Variants in CNTNAP2 observed in about 807,000 individuals in gnomAD.
CNTNAP2 encodes the protein contactin associated protein 2.
In CNTNAP2, 98 loss-of-function variants were observed where a neutral mutation model predicts 155.2. The ratio of observed to expected loss-of-function variants is 0.63; its 90% CI spans 0.54 to 0.75. The LOEUF (loss-of-function observed/expected upper bound fraction) is 0.75, where lower values mean the gene tolerates loss of function less well. CNTNAP2 is among the 30% of genes least tolerant of loss of function. CNTNAP2 has a pLI of 0.00. For synonymous variants in CNTNAP2, 651 were observed against 631.2 expected (o/e 1.03, Z -0.47); for missense variants, 1,727 against 1,688.1 (o/e 1.02, Z -0.40).
At chr7:148,342,676 A>G (rs1328420439) in intron 21 of CNTNAP2, among the ~76,000 whole-genome samples, 1 of 152,242 alleles carries the variant, frequency 6.6e-6, no homozygotes, top group African/African-American at 2.4e-5. Context: ...CAGGGACTGC[A>G]TTAAAGCTCA....
At chr7:148,263,285 ACT>A (rs1796594920) in intron 20 of CNTNAP2, 1 of 152,178 alleles carries the variant, frequency 6.6e-6, no homozygotes, top group Non-Finnish European at 1.5e-5. Context: ...GTTCCTGTTC[ACT>A]GTTTTGAAAT....
intron 2 of CNTNAP2, among the ~76,000 whole-genome samples, chr7:146,788,607 T>G (rs1358704114): frequency 6.6e-6 from 1 of 152,018 alleles, no homozygotes; most frequent in Non-Finnish European, 1.5e-5. Context: ...TTCCCAAACC[T>G]TCCACACACC....
intron 13 of CNTNAP2, among the ~76,000 whole-genome samples, chr7:147,886,157 T>G (rs1221565819): frequency 6.6e-6 from 1 of 152,142 alleles, no homozygotes; most frequent in African/African-American, 2.4e-5. Flanking sequence ...CAGTTGTCAC[T>G]GTGGATGACT....
chr7:148,240,348 A>G (rs1796123055), intron 20 of CNTNAP2, among the ~76,000 whole-genome samples: 1 of 152,160 alleles, frequency 6.6e-6, no homozygotes, highest in Non-Finnish European at 1.5e-5. Context: ...TGTTCCACCT[A>G]CTTCTCCTCT....
chr7:146,675,209 C>A (rs1328960445), intron 1 of CNTNAP2, among the ~76,000 whole-genome samples: 2 of 152,044 alleles, frequency 1.3e-5, no homozygotes, highest in African/African-American at 4.8e-5. Flanking sequence ...ACATTTTTGG[C>A]TTCTAGGAGA....
intron 15 of CNTNAP2, among the ~76,000 whole-genome samples, chr7:147,981,786 G>GGTGTGTGTGTGTGTGT (rs57272792): frequency 0.024 from 3,505 of 143,546 alleles, 61 homozygotes; most frequent in South Asian, 0.054. Context: ...TGTCCTTACA[G>GGTGTGTGTGTGTGTGT]GTGTGTGTGT....
Position 148,397,518 on chromosome 7 carries a change from A to C in CNTNAP2, c.3716-11873A>C, listed in dbSNP as rs1339803803. ...CTATTTTCTATCACCCTTTAAATATAATGCAGAAGTCTGGAAGGATATGTA... is the reference window on the plus strand; with the variant it reads ...CTATTTTCTATCACCCTTTAAATATCATGCAGAAGTCTGGAAGGATATGTA... On this transcript the variant is annotated intron_variant, in intron 22 of 23. Coordinates refer to ENST00000361727, the MANE Select transcript of CNTNAP2 (RefSeq NM_014141.6). Among the ~76,000 whole-genome samples, 4 of 152,222 alleles carry C rather than the reference A, an allele frequency of 2.6e-5. No homozygotes were observed. In the East Asian group the frequency reaches 7.7e-4, roughly 29 times the overall value.
intron 13 of CNTNAP2, among the ~76,000 whole-genome samples, chr7:147,864,142 A>G (rs550631060): frequency 6.6e-6 from 1 of 152,154 alleles, no homozygotes; most frequent in Non-Finnish European, 1.5e-5. Context: ...AGCTTTCTAC[A>G]TATGGCTAGC....
intron 1 of CNTNAP2, among the ~76,000 whole-genome samples, chr7:146,605,152 A>T (rs1799025161): frequency 6.6e-6 from 1 of 150,518 alleles, no homozygotes; most frequent in African/African-American, 2.4e-5. Context: ...TTTAATAATT[A>T]TTTTATATCC....
At chr7:146,905,441 C>A (rs1307946232) in intron 3 of CNTNAP2, among the ~76,000 whole-genome samples, 1 of 152,146 alleles carries the variant, frequency 6.6e-6, no homozygotes, top group Non-Finnish European at 1.5e-5. Flanking sequence ...TTTGGAAGGA[C>A]TTCCCCTTTC....
intron 1 of CNTNAP2, among the ~76,000 whole-genome samples, chr7:146,148,727 A>G (rs1351014047): frequency 6.6e-6 from 1 of 152,190 alleles, no homozygotes; most frequent in Non-Finnish European, 1.5e-5. Context: ...ACAAAATAGT[A>G]ATGTATAAGA....
At chr7:146,800,930 T>A (rs1178156647) in intron 2 of CNTNAP2, among the ~76,000 whole-genome samples, 1 of 152,040 alleles carries the variant, frequency 6.6e-6, no homozygotes, top group South Asian at 2.1e-4. Flanking sequence ...ACCCTACAGA[T>A]GCATTGAAGG....
chr7:147,863,873 A>G (rs1799177483), intron 13 of CNTNAP2, among the ~76,000 whole-genome samples: 1 of 151,782 alleles, frequency 6.6e-6, no homozygotes, highest in African/African-American at 2.4e-5. Context: ...CCCATTCTGT[A>G]GGTTGCCTGT....
At chr7:146,390,019 G>A (rs927248076) in intron 1 of CNTNAP2, among the ~76,000 whole-genome samples, 12 of 151,414 alleles carry the variant, frequency 7.9e-5, no homozygotes, top group African/African-American at 2.9e-4. Flanking sequence ...CTTTAGTTTT[G>A]GTCTCTGCCT....
intron 9 of CNTNAP2, among the ~76,000 whole-genome samples, chr7:147,379,690 A>T (rs1796500494): frequency 6.6e-6 from 1 of 151,992 alleles, no homozygotes; most frequent in Admixed American, 6.6e-5. Flanking sequence ...CTCTTTGCTG[A>T]CTAGTTAATT....
At chr7:146,723,986 C>T (rs1204606838) in intron 1 of CNTNAP2, among the ~76,000 whole-genome samples, 5 of 152,166 alleles carry the variant, frequency 3.3e-5, no homozygotes, top group South Asian at 4.1e-4. Flanking sequence ...CCTGTGCACT[C>T]GTTGGGACAT....
intron 3 of CNTNAP2, among the ~76,000 whole-genome samples, chr7:146,927,518 A>C (rs1392306530): frequency 6.6e-6 from 1 of 152,132 alleles, no homozygotes; most frequent in African/African-American, 2.4e-5. Flanking sequence ...ATAATGTAAA[A>C]TCTTTTTGTG....
intron 3 of CNTNAP2, among the ~76,000 whole-genome samples, chr7:146,850,615 A>G (rs1794860697): frequency 6.6e-6 from 1 of 152,142 alleles, no homozygotes; most frequent in Non-Finnish European, 1.5e-5. Context: ...GAGAAAGTAC[A>G]ACTTTCCCTG....
chr7:147,775,377 TTA>T (rs1225829770), intron 13 of CNTNAP2, among the ~76,000 whole-genome samples: 2 of 72,060 alleles, frequency 2.8e-5, no homozygotes, highest in African/African-American at 6.8e-5. Context: ...ATATATATAT[TTA>T]TATATATTTA....
Sources: gnomAD v4.1 joint callset for allele counts (sites outside exome capture counted in the v4.1 genomes callset) on GRCh38, gnomAD v4.1.1 for gene constraint, MANE v1.5 for transcripts, NCBI Gene and HGNC (gene_info 2026-07-23, HGNC 2026-07-21) for gene names.